The following COL6A6 variants were observed in gnomAD, a reference collection of about 807,000 sequenced individuals.
The protein encoded by COL6A6 is collagen alpha-6(VI) chain.
Under a neutral mutation model 208.6 loss-of-function variants are expected in COL6A6, and 183 were observed. The observed-to-expected ratio is 0.88, with a 90% CI of 0.78 to 0.99. The LOEUF (loss-of-function observed/expected upper bound fraction) is 0.99. COL6A6 is among the 50% of genes least tolerant of loss of function. COL6A6 has a pLI of 0.00. For synonymous variants in COL6A6, 973 were observed against 1,011.8 expected (o/e 0.96, Z 0.73); for missense variants, 2,816 against 2,815.2 (o/e 1.00, Z -0.01).
At position 130,663,242 on chromosome 3, in the gene COL6A6, T is replaced by C. The variant is rs181103993; in HGVS notation, c.6502+934T>C. 8.4e-4 allele frequency among the ~76,000 whole-genome samples: 128 copies of C among 152,200 alleles called. No homozygotes were observed. In the East Asian group the frequency reaches 0.019, roughly 22 times the overall value. On this transcript the variant is annotated intron_variant, in intron 35 of 36. Coordinates refer to ENST00000358511, the MANE Select transcript of COL6A6 (RefSeq NM_001102608.3). The stretch of plus-strand genomic sequence containing the variant: ...CCTTGGAGATTGTTGTTGGGGCTGA[T>C]AGTATATCCTCTATGATTCAAACTG...
chr3:130,658,597 T>G (rs2065858708), intron 33 of COL6A6, 79 bp from the exon 34 acceptor site: 2 of 878,150 alleles, frequency 2.3e-6, no homozygotes, highest in Non-Finnish European at 3.7e-6. Flanking sequence ...TCTCTCCAGA[T>G]GTCAGTTCTC....
intron 1 of COL6A6, among the ~76,000 whole-genome samples, chr3:130,546,435 G>A (rs935856905): frequency 2.0e-5 from 3 of 152,220 alleles, no homozygotes; most frequent in Admixed American, 6.5e-5. Context: ...GACCCAAAGA[G>A]TGAGCAGCAG....
chr3:130,546,578 CCCATTTTACAGAGAGCTGATTGGT>C (rs1360398366), intron 1 of COL6A6, among the ~76,000 whole-genome samples: 4 of 152,180 alleles, frequency 2.6e-5, no homozygotes, highest in African/African-American at 4.8e-5. Flanking sequence ...TGCTGATTGG[CCCATTTTACAGAGAGCTGATTGGT>C]CCATTTTACA....
At chr3:130,651,448 AGAAT>A (rs1195348625) in intron 33 of COL6A6, among the ~76,000 whole-genome samples, 2 of 148,910 alleles carry the variant, frequency 1.3e-5, no homozygotes, top group Non-Finnish European at 3.0e-5. Context: ...AAAAAAAAAA[AGAAT>A]GATAGCTTTT....
chr3:130,612,946 C>T (rs1057000690), intron 23 of COL6A6, among the ~76,000 whole-genome samples: 1 of 152,128 alleles, frequency 6.6e-6, no homozygotes, highest in African/African-American at 2.4e-5. Context: ...ATATAGTTTG[C>T]AAATATTTTC....
intron 1 of COL6A6, among the ~76,000 whole-genome samples, chr3:130,534,988 T>C (rs1009501783): frequency 2.6e-5 from 4 of 152,150 alleles, no homozygotes; most frequent in Non-Finnish European, 5.9e-5. Flanking sequence ...TCATCAAATC[T>C]CATTCATTTG....
At chr3:130,531,244 T>G (rs1021741881) in intron 1 of COL6A6, among the ~76,000 whole-genome samples, 1 of 152,088 alleles carries the variant, frequency 6.6e-6, no homozygotes, top group Admixed American at 6.5e-5. Flanking sequence ...TTTGGGGAAC[T>G]CTTCTGTGCA....
rs73868939 is a variant in COL6A6, at chr3:130,652,958, T to G, written c.5733+3396T>G. 6.8e-3 allele frequency among the ~76,000 whole-genome samples: 1,038 copies of G among 152,338 alleles called. 12 individuals carry two copies. Among genetic ancestry groups the G allele is most frequent in the African/African-American group, 0.024 (984 of 41,568 alleles). On this transcript the variant is annotated intron_variant, in intron 33 of 36. Transcript: ENST00000358511. ...CAGAAGCACCCGCTCTGACAGCATA[T>G]ACTGATTTCCCTGTTTCTTAGCAAA... is the stretch of plus-strand genomic sequence containing the variant.
chr3:130,612,857 C>T (rs1207980210), intron 23 of COL6A6, among the ~76,000 whole-genome samples: 1 of 152,142 alleles, frequency 6.6e-6, no homozygotes, highest in Non-Finnish European at 1.5e-5. Context: ...ATCCTTTGCA[C>T]ACATTTTAAT....
At chr3:130,532,229 T>A (rs72992211) in intron 1 of COL6A6, among the ~76,000 whole-genome samples, 9 of 152,196 alleles carry the variant, frequency 5.9e-5, no homozygotes, top group Non-Finnish European at 1.2e-4. Flanking sequence ...CTACCCCTAT[T>A]GTCTGTTGTC....
chr3:130,528,391 G>A (rs1207641462), intron 1 of COL6A6, among the ~76,000 whole-genome samples: 2 of 152,158 alleles, frequency 1.3e-5, no homozygotes, highest in Non-Finnish European at 2.9e-5. Flanking sequence ...CAGTGATGCT[G>A]ATCATGCTGA....
At chr3:130,536,537 G>A (rs527361906) in intron 1 of COL6A6, among the ~76,000 whole-genome samples, 295 of 152,348 alleles carry the variant, frequency 1.9e-3, no homozygotes, top group African/African-American at 6.1e-3. Context: ...TAGACGGGTA[G>A]AGAAGGGGAA....
Position 130,527,065 on chromosome 3 carries a change from T to G in COL6A6, c.-32+9668T>G, listed in dbSNP as rs148715999. The stretch of plus-strand genomic sequence containing the variant: ...CATTCCTCTTTTAGGCTACTTTTCC[T>G]CTTGCAGTAGAGCCACTGTGAACCT... On this transcript the variant is annotated intron_variant, in intron 1 of 36. Coordinates refer to ENST00000358511, the MANE Select transcript of COL6A6 (RefSeq NM_001102608.3). Among the ~76,000 whole-genome samples, 664 of 152,320 alleles carry G rather than the reference T, an allele frequency of 4.4e-3. 3 individuals are homozygous for G. The highest frequency in any genetic ancestry group is 6.8e-3 in the Middle Eastern group (2 of 294).
Position 130,571,240 on chromosome 3 carries a change from CTTGTCCTGGCTGTGGGGA to C in COL6A6, c.2828_2845del (p.Val943_Ile948del). 1 of 1,614,052 alleles carries C rather than the reference CTTGTCCTGGCTGTGGGGA, an allele frequency of 6.2e-7. No homozygotes were observed. Among genetic ancestry groups the C allele is most frequent in the Non-Finnish European group, 8.5e-7 (1 of 1,179,876 alleles). Reference sequence around the variant, plus strand: ...AAAGGCCTTGCGGGACAAAGGCATTCTTGTCCTGGCTGTGGGGATTGATGGTGCCAATCCCGTGGAGCT... The same window carrying C: ...AAAGGCCTTGCGGGACAAAGGCATTCTTGATGGTGCCAATCCCGTGGAGCT... On this transcript the variant is annotated inframe_deletion, in exon 7 of 37. Coordinates refer to ENST00000358511, the MANE Select transcript of COL6A6 (RefSeq NM_001102608.3).
intron 32 of COL6A6, among the ~76,000 whole-genome samples, chr3:130,648,343 G>T (rs144995003): frequency 6.6e-5 from 10 of 152,286 alleles, no homozygotes; most frequent in African/African-American, 2.4e-4. Flanking sequence ...AACAGCAATG[G>T]TTGACATTTA....
intron 8 of COL6A6, among the ~76,000 whole-genome samples, chr3:130,579,241 A>G (rs902311618): frequency 3.9e-5 from 6 of 152,222 alleles, no homozygotes; most frequent in Admixed American, 3.9e-4. Flanking sequence ...ATAAATTAAT[A>G]ATTAGAATCA....
In COL6A6 at chr3:130,571,299, A is replaced by AC; in HGVS notation, c.2883_2884insC (p.Ser962LeufsTer34). 1 of 1,614,006 alleles carries AC rather than the reference A, an allele frequency of 6.2e-7. No homozygotes were observed. Reference sequence around the variant, plus strand: ...CCGTGGAGCTGTTAGCCATGGCAGGATCAAGCGACAAGTACTTCTTCGTGG... The same window carrying AC: ...CCGTGGAGCTGTTAGCCATGGCAGGACTCAAGCGACAAGTACTTCTTCGTGG... On this transcript the variant is annotated frameshift_variant, in exon 7 of 37. Transcript: ENST00000358511. LOFTEE classifies it high-confidence loss of function.
chr3:130,558,012 A>C lies in COL6A6; in HGVS notation c.-31-2322A>C, dbSNP rs115793044. ...CAAAACATATTCAGATTAAAGAGAC[A>C]TGTACCTTTGAGAGTGTTTATAATG... On this transcript the variant is annotated intron_variant, in intron 1 of 36. Transcript: ENST00000358511. Among the ~76,000 whole-genome samples, 11 of 152,366 alleles carry C rather than the reference A, an allele frequency of 7.2e-5. No homozygotes were observed. The South Asian group carries it at 2.3e-3, about 32-fold the overall frequency.
intron 1 of COL6A6, among the ~76,000 whole-genome samples, chr3:130,526,759 T>A (rs1429177354): frequency 6.6e-6 from 1 of 152,204 alleles, no homozygotes; most frequent in Non-Finnish European, 1.5e-5. Context: ...CACTTATTCA[T>A]GTAATTCTTT....
Sources: allele counts gnomAD v4.1 joint callset (sites outside exome capture counted in the v4.1 genomes callset), GRCh38; gene constraint gnomAD v4.1.1; transcripts MANE v1.5; gene names NCBI Gene and HGNC (gene_info 2026-07-23, HGNC 2026-07-21).